Variants in CNTN5 observed in about 807,000 individuals in gnomAD.
The protein encoded by CNTN5 is contactin-5.
CNTN5 carries 77 observed loss-of-function variants against 129.1 expected under a neutral mutation model. That is an observed-to-expected ratio of 0.60 (90% CI 0.50 to 0.72). The LOEUF (loss-of-function observed/expected upper bound fraction) is 0.72, where lower values mean the gene tolerates loss of function less well. Among genes scored for constraint, CNTN5 ranks in the 30% least tolerant of loss-of-function variants. The pLI, the probability that CNTN5 is intolerant of heterozygous loss-of-function variation, is 0.00. For synonymous variants in CNTN5, 509 were observed against 465.6 expected (o/e 1.09, Z -1.20); for missense variants, 1,478 against 1,328.8 (o/e 1.11, Z -1.75).
chr11:99,880,283 T>C (rs1948738317), intron 6 of CNTN5, among the ~76,000 whole-genome samples: 1 of 152,216 alleles, frequency 6.6e-6, no homozygotes, highest in Admixed American at 6.5e-5. Context: ...AAATGTTTTG[T>C]AATTCACAGA....
chr11:100,337,052 G>T, intron 21 of CNTN5: 1 of 1,088,130 alleles, frequency 9.2e-7, no homozygotes, highest in South Asian at 1.2e-5. Flanking sequence ...TTCAAAATTG[G>T]CAATGCTGAG....
chr11:100,297,270 G>C (rs891355743), intron 18 of CNTN5, among the ~76,000 whole-genome samples: 2 of 151,238 alleles, frequency 1.3e-5, no homozygotes, highest in Non-Finnish European at 3.0e-5. Flanking sequence ...TGCAAGCCCC[G>C]GGATAACAAA....
intron 4 of CNTN5, among the ~76,000 whole-genome samples, chr11:99,823,784 T>C (rs2135574535): frequency 6.6e-6 from 1 of 152,294 alleles, no homozygotes; most frequent in South Asian, 2.1e-4. Flanking sequence ...GCTTGGATTG[T>C]GTCTCACACT....
intron 6 of CNTN5, among the ~76,000 whole-genome samples, chr11:99,905,716 C>T (rs10894140): frequency 0.95 from 144,567 of 152,254 alleles, 68,863 homozygotes; most frequent in Non-Finnish European, 0.99. Flanking sequence ...ATTGAATCTA[C>T]ACATTACTTT....
chr11:99,357,773 T>C (rs533075044), intron 2 of CNTN5, among the ~76,000 whole-genome samples: 3 of 151,872 alleles, frequency 2.0e-5, no homozygotes, highest in Non-Finnish European at 4.4e-5. Flanking sequence ...TATAGAAAAT[T>C]AGGTTATTTC....
At chr11:99,282,198 G>A (rs1413728059) in intron 1 of CNTN5, among the ~76,000 whole-genome samples, 2 of 151,992 alleles carry the variant, frequency 1.3e-5, no homozygotes, top group African/African-American at 4.8e-5. Flanking sequence ...CGCCTTAAGT[G>A]TTGAAAACAA....
chr11:99,714,451 G>A (rs947818700), intron 3 of CNTN5, among the ~76,000 whole-genome samples: 8 of 151,846 alleles, frequency 5.3e-5, no homozygotes, highest in African/African-American at 1.9e-4. Flanking sequence ...ATTACAAAAG[G>A]AGTCTACCTA....
intron 4 of CNTN5, 178 bp from the exon 5 acceptor site, chr11:99,844,674 G>T (rs1260945211): frequency 5.0e-6 from 3 of 602,384 alleles, no homozygotes; most frequent in Non-Finnish European, 5.7e-6. Flanking sequence ...ATTATATTTG[G>T]TTCTTTACAA....
intron 3 of CNTN5, among the ~76,000 whole-genome samples, chr11:99,764,566 A>G (rs2845952): frequency 0.76 from 115,337 of 151,718 alleles, 44,390 homozygotes; most frequent in East Asian, 0.97. Context: ...ATAGGCATGC[A>G]CCACCATACC....
In CNTN5 at chr11:99,366,128, C is replaced by T. The variant is rs1040613790; in HGVS notation, c.-71+40644C>T. 5.3e-5 allele frequency among the ~76,000 whole-genome samples: 8 copies of T among 152,064 alleles called. No individual in the cohort carries two copies. The East Asian group carries it at 9.6e-4, about 18-fold the overall frequency. ...TGGCTTCAATACAAAGTGGAATTAC[C>T]GAAAGCCTTAATATTGTTGCTGGTT... is the stretch of plus-strand genomic sequence containing the variant. On this transcript the variant is annotated intron_variant, in intron 2 of 24. Coordinates refer to ENST00000524871, the MANE Select transcript of CNTN5 (RefSeq NM_014361.4).
At chr11:99,070,885 A>G (rs114830643) in intron 1 of CNTN5, among the ~76,000 whole-genome samples, 1,740 of 152,252 alleles carry the variant, frequency 0.011, 37 homozygotes, top group African/African-American at 0.039. Context: ...AAGTAGCAGT[A>G]CTAATAGTAA....
intron 1 of CNTN5, among the ~76,000 whole-genome samples, chr11:99,026,813 T>G (rs1863127098): frequency 6.6e-6 from 1 of 151,660 alleles, no homozygotes; most frequent in African/African-American, 2.4e-5. Context: ...GAGCTTTTTA[T>G]GGCTTATACT....
intron 2 of CNTN5, among the ~76,000 whole-genome samples, chr11:99,475,838 A>G (rs1229574842): frequency 6.6e-6 from 1 of 151,912 alleles, no homozygotes; most frequent in Non-Finnish European, 1.5e-5. Flanking sequence ...TGACAAAATG[A>G]TGCTTGAAAT....
chr11:100,211,749 G>C (rs911935084), intron 15 of CNTN5, among the ~76,000 whole-genome samples: 7 of 151,896 alleles, frequency 4.6e-5, no homozygotes, highest in Admixed American at 1.3e-4. Context: ...CAGTTTGTTT[G>C]TTTTTTTAAC....
chr11:99,073,875 C>T (rs1366024286), intron 1 of CNTN5, among the ~76,000 whole-genome samples: 1 of 152,094 alleles, frequency 6.6e-6, no homozygotes, highest in African/African-American at 2.4e-5. Context: ...ATTTATAATC[C>T]TTTGGGTATA....
At chr11:99,465,685 A>C (rs1249670062) in intron 2 of CNTN5, among the ~76,000 whole-genome samples, 4 of 151,950 alleles carry the variant, frequency 2.6e-5, no homozygotes, top group Non-Finnish European at 4.4e-5. Flanking sequence ...GCTAAAAAGA[A>C]ATACCTGAGA....
intron 1 of CNTN5, among the ~76,000 whole-genome samples, chr11:99,096,083 C>T (rs1866458386): frequency 6.6e-6 from 1 of 151,804 alleles, no homozygotes; most frequent in Admixed American, 6.6e-5. Flanking sequence ...CTTGCAATAA[C>T]TTCAGTGGAA....
intron 2 of CNTN5, among the ~76,000 whole-genome samples, chr11:99,349,458 G>A (rs901274982): frequency 1.3e-5 from 2 of 152,140 alleles, no homozygotes; most frequent in Admixed American, 6.5e-5. Flanking sequence ...CCAGTTTCTT[G>A]GCAAGCTGAA....
intron 1 of CNTN5, among the ~76,000 whole-genome samples, chr11:99,297,875 G>A (rs1864456460): frequency 6.6e-6 from 1 of 152,158 alleles, no homozygotes; most frequent in Admixed American, 6.5e-5. Flanking sequence ...CTCCCAGTCA[G>A]ATGTAAGAGG....
Sources: allele counts gnomAD v4.1 joint callset (sites outside exome capture counted in the v4.1 genomes callset), GRCh38; gene constraint gnomAD v4.1.1; transcripts MANE v1.5; gene names NCBI Gene and HGNC (gene_info 2026-07-23, HGNC 2026-07-21).